BRWD1: variants seen among roughly 807,000 people sequenced by gnomAD.
BRWD1 encodes the protein bromodomain and WD repeat-containing protein 1.
Under a neutral mutation model 251.2 loss-of-function variants are expected in BRWD1, and 82 were observed. The ratio of observed to expected loss-of-function variants is 0.33; its 90% CI spans 0.27 to 0.39. BRWD1 has a LOEUF of 0.39. Ranked by LOEUF, BRWD1 falls within the 10% of genes least tolerant of loss-of-function variation. The pLI, the probability that BRWD1 is intolerant of heterozygous loss-of-function variation, is 1.00. For missense variants in BRWD1, 2,233 were observed against 2,711.6 expected (o/e 0.82, Z 3.92); for synonymous variants, 918 against 902.8 (o/e 1.02, Z -0.30).
At chr21:39,283,390 C>T (rs1422979727) in intron 8 of BRWD1, among the ~76,000 whole-genome samples, 2 of 152,230 alleles carry the variant, frequency 1.3e-5, no homozygotes, top group African/African-American at 2.4e-5. Flanking sequence ...CCTTCCCCAA[C>T]CCAAGACTCC....
chr21:39,221,108 T>C (rs768245779), intron 29 of BRWD1, among the ~76,000 whole-genome samples: 262 of 147,848 alleles, frequency 1.8e-3, no homozygotes, highest in Non-Finnish European at 2.7e-3. Flanking sequence ...TGAGTGGAGA[T>C]TGCGCCACTG....
intron 29 of BRWD1, chr21:39,219,261 A>C (rs2033075009): frequency 6.6e-6 from 1 of 152,330 alleles, no homozygotes; most frequent in Non-Finnish European, 1.5e-5. Context: ...TCTCTACTAA[A>C]AATACAAAAC....
chr21:39,224,349 C>A, intron 29 of BRWD1, 59 bp downstream of exon 29: 1 of 1,021,210 alleles, frequency 9.8e-7, no homozygotes, highest in East Asian at 2.8e-5. Context: ...TCCATGTGCA[C>A]TGGCAAATGT....
At chr21:39,259,814 G>A (rs569777250) in intron 17 of BRWD1, among the ~76,000 whole-genome samples, 2 of 152,136 alleles carry the variant, frequency 1.3e-5, no homozygotes, top group Admixed American at 1.3e-4. Flanking sequence ...TCTAGCCTGG[G>A]TGACAAGAGT....
intron 7 of BRWD1, among the ~76,000 whole-genome samples, 196 bp downstream of exon 7, chr21:39,295,547 C>A (rs1032561781): frequency 2.0e-5 from 3 of 152,156 alleles, no homozygotes; most frequent in Non-Finnish European, 4.4e-5. Flanking sequence ...CTCTAAATCA[C>A]TGTCTTTCAA....
rs1166905964 is a variant in BRWD1, at chr21:39,206,141, C to A, written c.4331G>T (p.Cys1444Phe). Residue 1444 changes from cysteine (C) to phenylalanine (F), a missense_variant, in exon 37 of 41, where the codon TGT becomes TTT. Transcript: ENST00000342449. Reference sequence around the variant, plus strand: ...TTTGTTAGGCTGACTGTCACCTTTACAATTTTGCCGTTGCTTGAACCTCTG... The same window carrying A: ...TTTGTTAGGCTGACTGTCACCTTTAAAATTTTGCCGTTGCTTGAACCTCTG... ...RSQRFKQRQN[C>F]KGDSQPNKSI... The A allele has an allele frequency of 4.3e-6, 7 of 1,613,040 alleles. No homozygotes were observed. Among genetic ancestry groups the A allele is most frequent in the East Asian group, 2.2e-5 (1 of 44,866 alleles).
At chr21:39,214,093 G>A (rs945444585) in intron 32 of BRWD1, among the ~76,000 whole-genome samples, 2 of 151,972 alleles carry the variant, frequency 1.3e-5, no homozygotes, top group African/African-American at 4.8e-5. Flanking sequence ...CTGGGGAGGA[G>A]GTAACTTACG....
At chr21:39,232,076 G>T in intron 25 of BRWD1, 101 bp downstream of exon 25, 1 of 997,876 alleles carries the variant, frequency 1.0e-6, no homozygotes, top group Non-Finnish European at 1.5e-6. Flanking sequence ...AGGAAAGAAA[G>T]TAATAAAATA....
intron 23 of BRWD1, 138 bp from the exon 24 acceptor site, chr21:39,232,636 CATAT>C (rs913748611): frequency 3.2e-6 from 3 of 926,504 alleles, no homozygotes; most frequent in Non-Finnish European, 4.8e-6. Context: ...TTTCACACAG[CATAT>C]ATATTTAGTT....
At chr21:39,256,063 T>C (rs980313137) in intron 18 of BRWD1, among the ~76,000 whole-genome samples, 12 of 152,228 alleles carry the variant, frequency 7.9e-5, no homozygotes, top group Non-Finnish European at 1.6e-4. Context: ...AGCAATCCTC[T>C]TAACCACGGC....
chr21:39,277,113 A>G, intron 11 of BRWD1, 138 bp downstream of exon 11: 1 of 497,574 alleles, frequency 2.0e-6, no homozygotes, highest in East Asian at 3.3e-5. Context: ...AATACCATCA[A>G]AAAGTTATAA....
At chr21:39,300,539 G>C (rs906013130) in intron 4 of BRWD1, among the ~76,000 whole-genome samples, 1 of 152,184 alleles carries the variant, frequency 6.6e-6, no homozygotes, top group Non-Finnish European at 1.5e-5. Flanking sequence ...GTGATTTACT[G>C]AATGTAACAA....
chr21:39,274,036 T>C (rs564721841), intron 13 of BRWD1, among the ~76,000 whole-genome samples: 2 of 152,234 alleles, frequency 1.3e-5, no homozygotes, highest in Non-Finnish European at 2.9e-5. Context: ...CACAGAAAAG[T>C]ATAATTTCCA....
chr21:39,297,718 G>A (rs1396480873), intron 5 of BRWD1: 2 of 325,536 alleles, frequency 6.1e-6, no homozygotes, highest in Non-Finnish European at 8.8e-6. Context: ...GTGCAGCTAA[G>A]AGTAGCATCA....
chr21:39,213,375 C>A, intron 33 of BRWD1, 106 bp downstream of exon 33: 1 of 910,558 alleles, frequency 1.1e-6, no homozygotes, highest in South Asian at 1.5e-5. Flanking sequence ...CCTATTTGTT[C>A]ATTGGACTAC....
rs755742892 is a variant in BRWD1, at chr21:39,206,095, A to G, written c.4364+13T>C. The G allele has an allele frequency of 5.6e-6, 9 of 1,595,198 alleles. No homozygotes were observed. The South Asian group carries it at 9.1e-5, about 16-fold the overall frequency. On this transcript the variant is annotated intron_variant, in intron 37 of 40. Coordinates refer to ENST00000342449, the MANE Select transcript of BRWD1 (RefSeq NM_033656.4). ...AATAAATAAATAAAGCAAGCTTGCC[A>G]TAACCAGTTTACCTGATACTTTTGT...
At position 39,286,520 on chromosome 21, in the gene BRWD1, C is replaced by CT. The variant is rs1010358852; in HGVS notation, c.832-6273dup. On this transcript the variant is annotated intron_variant, in intron 8 of 40. Transcript: ENST00000342449. ...AAGTTTTTTATTTCCAGTATTTGTA[C>CT]TTTTTTTTTTTTGAGACAGAGTCTC... 9.0e-3 allele frequency among the ~76,000 whole-genome samples: 1,233 copies of CT among 137,638 alleles called. 19 individuals are homozygous for CT. The highest frequency in any genetic ancestry group is 0.03 in the African/African-American group (1,112 of 37,592). The allele number at this position is 137,638 out of a possible 152,430, so 90.3% of individuals were successfully genotyped here. A position where few individuals can be genotyped will look rare whatever the true frequency, so the allele number is the denominator to read the frequency against.
intron 4 of BRWD1, among the ~76,000 whole-genome samples, chr21:39,309,921 T>C (rs1317351313): frequency 6.6e-6 from 1 of 152,180 alleles, no homozygotes; most frequent in Non-Finnish European, 1.5e-5. Flanking sequence ...AAGCAGTCCT[T>C]ATTTTTTAGA....
At position 39,291,364 on chromosome 21, in the gene BRWD1, A is replaced by G. The variant is rs555931831; in HGVS notation, c.831+2447T>C. ...CCTTTAAAAGCCTTATAAATCAAAC[A>G]TAAAATAAAAGCCTTACAAATCATC... is the stretch of plus-strand genomic sequence containing the variant. On this transcript the variant is annotated intron_variant, in intron 8 of 40. Transcript: ENST00000342449. 2.6e-5 allele frequency among the ~76,000 whole-genome samples: 4 copies of G among 152,334 alleles called. No homozygotes were observed. In the South Asian group the frequency reaches 8.3e-4, roughly 32 times the overall value.
Sources: gnomAD v4.1 joint callset for allele counts (sites outside exome capture counted in the v4.1 genomes callset) on GRCh38, gnomAD v4.1.1 for gene constraint, MANE v1.5 for transcripts, NCBI Gene and HGNC (gene_info 2026-07-23, HGNC 2026-07-21) for gene names.